The following GABRA2 variants were observed in gnomAD, a reference collection of about 807,000 sequenced individuals.
GABRA2 encodes the protein gamma-aminobutyric acid type A receptor subunit alpha2.
A neutral mutation model predicts 48.7 loss-of-function variants in GABRA2; 16 were observed. The ratio of observed to expected loss-of-function variants is 0.33; its 90% CI spans 0.22 to 0.50. The LOEUF (loss-of-function observed/expected upper bound fraction) is 0.50, where lower values mean the gene tolerates loss of function less well. GABRA2 is among the 20% of genes least tolerant of loss of function. The probability of loss-of-function intolerance (pLI) is 0.98; values close to 1 mark genes in which losing one functional copy is unlikely to be tolerated. For synonymous variants in GABRA2, 185 were observed against 184.5 expected (o/e 1.00, Z -0.02); for missense variants, 275 against 535.6 (o/e 0.51, Z 4.80).
At position 46,389,197 on chromosome 4, in the gene GABRA2, G is replaced by C. The variant is rs1415024904; in HGVS notation, c.-10-481C>G. 5.1e-6 allele frequency: 5 copies of C among 987,950 alleles called. No individual in the cohort carries two copies. In the East Asian group the frequency reaches 5.6e-4, roughly 111 times the overall value. 61.2% of individuals were successfully genotyped at this position (987,950 alleles called of 1,614,324 possible). ...CGCAACCACAGCGGGAAAAGCTAGG[G>C]GCAGGCAGCCCACTTTTGCAATTAC... On this transcript the variant is annotated intron_variant, in intron 1 of 9. Transcript: ENST00000381620.
At chr4:46,355,715 T>C (rs958266620) in intron 3 of GABRA2, among the ~76,000 whole-genome samples, 7 of 152,192 alleles carry the variant, frequency 4.6e-5, no homozygotes, top group African/African-American at 1.4e-4. Flanking sequence ...CACAACCTTA[T>C]CAGAGCTGGA....
intron 8 of GABRA2, among the ~76,000 whole-genome samples, chr4:46,279,151 T>C (rs1327590152): frequency 6.6e-6 from 1 of 152,084 alleles, no homozygotes; most frequent in African/African-American, 2.4e-5. Context: ...AATGAGTAAA[T>C]TTAATTTATT....
intron 3 of GABRA2, among the ~76,000 whole-genome samples, chr4:46,352,888 G>C (rs1735370923): frequency 6.6e-6 from 1 of 152,040 alleles, no homozygotes; most frequent in South Asian, 2.1e-4. Context: ...GTTTAACCCA[G>C]CTGTAAAGGA....
intron 3 of GABRA2, among the ~76,000 whole-genome samples, chr4:46,369,643 G>GTCTA (rs1714583337): frequency 6.6e-6 from 1 of 151,992 alleles, no homozygotes; most frequent in Non-Finnish European, 1.5e-5. Flanking sequence ...TTCATCATTT[G>GTCTA]TCTATCTATT....
chr4:46,299,448 C>G (rs1264285238), intron 8 of GABRA2, among the ~76,000 whole-genome samples: 1 of 151,750 alleles, frequency 6.6e-6, no homozygotes, highest in Non-Finnish European at 1.5e-5. Flanking sequence ...GCAATTTTAA[C>G]TCACTATAGT....
At chr4:46,388,614 T>C in intron 2 of GABRA2, 22 bp downstream of exon 2, 2 of 1,613,576 alleles carry the variant, frequency 1.2e-6, no homozygotes, top group Non-Finnish European at 1.7e-6. Flanking sequence ...ATTAAAATAG[T>C]CAAATACAAT....
intron 8 of GABRA2, among the ~76,000 whole-genome samples, chr4:46,278,959 T>G (rs183370478): frequency 1.3e-5 from 2 of 151,800 alleles, no homozygotes; most frequent in East Asian, 3.9e-4. Flanking sequence ...TAACATAAGA[T>G]GATAATTTAA....
At chr4:46,291,774 C>CATATATATAT (rs1415105864) in intron 8 of GABRA2, among the ~76,000 whole-genome samples, 1 of 107,872 alleles carries the variant, frequency 9.3e-6, no homozygotes, top group Admixed American at 1.0e-4. Context: ...AATAAACACA[C>CATATATATAT]ACATATATAT....
At chr4:46,334,878 T>C (rs1731944658) in intron 3 of GABRA2, among the ~76,000 whole-genome samples, 1 of 152,108 alleles carries the variant, frequency 6.6e-6, no homozygotes, top group African/African-American at 2.4e-5. Context: ...AAAAGGAAAA[T>C]CAGCAAGCCA....
chr4:46,388,803 T>C (rs1340141760), intron 1 of GABRA2, 87 bp from the exon 2 acceptor site: 2 of 1,585,294 alleles, frequency 1.3e-6, no homozygotes, highest in South Asian at 1.2e-5. Context: ...AATATCCTTT[T>C]AGTTAGGGAT....
chr4:46,341,845 T>A (rs548952733), intron 3 of GABRA2, among the ~76,000 whole-genome samples: 1 of 152,202 alleles, frequency 6.6e-6, no homozygotes, highest in Middle Eastern at 3.4e-3. Flanking sequence ...TGCCCAGCTT[T>A]TTGTTAATCC....
At chr4:46,349,609 A>G (rs1011828655) in intron 3 of GABRA2, among the ~76,000 whole-genome samples, 9 of 152,086 alleles carry the variant, frequency 5.9e-5, no homozygotes, top group African/African-American at 1.9e-4. Flanking sequence ...TTTCTTCTAC[A>G]ACATTCCAAA....
chr4:46,293,012 A>G (rs1221571762), intron 8 of GABRA2, among the ~76,000 whole-genome samples: 1 of 152,194 alleles, frequency 6.6e-6, no homozygotes, highest in Non-Finnish European at 1.5e-5. Flanking sequence ...CTCAAAGGCA[A>G]GGTGGGTGGA....
At chr4:46,270,435 G>A (rs1425413254) in intron 8 of GABRA2, among the ~76,000 whole-genome samples, 1 of 151,948 alleles carries the variant, frequency 6.6e-6, no homozygotes. Flanking sequence ...AACCTTCCAT[G>A]TACCTCTCTA....
intron 8 of GABRA2, among the ~76,000 whole-genome samples, chr4:46,271,716 G>A (rs781502372): frequency 6.6e-6 from 1 of 151,924 alleles, no homozygotes; most frequent in Non-Finnish European, 1.5e-5. Flanking sequence ...GGACAACACT[G>A]TTGAAGGAAT....
rs149997397 is a variant in GABRA2 at position 46,337,062 on chromosome 4, C to T, written c.188-4380G>A. On this transcript the variant is annotated intron_variant, in intron 3 of 9. Coordinates refer to ENST00000381620, the MANE Select transcript of GABRA2 (RefSeq NM_000807.4). ...TGATGTTCAATTATGATTTATTTTA[C>T]GATTCACTTAAAATAGATGGTTGAG... Among the ~76,000 whole-genome samples, 538 of 151,984 alleles carry T rather than the reference C, an allele frequency of 3.5e-3. 1 individual carries two copies. The highest frequency in any genetic ancestry group is 0.012 in the African/African-American group (485 of 41,482).
intron 6 of GABRA2, among the ~76,000 whole-genome samples, chr4:46,309,479 C>T (rs993465340): frequency 6.6e-6 from 1 of 151,930 alleles, no homozygotes; most frequent in Non-Finnish European, 1.5e-5. Flanking sequence ...CAGCTGTGTT[C>T]GTGGATTTAT....
chr4:46,274,460 G>T (rs1238793291), intron 8 of GABRA2, among the ~76,000 whole-genome samples: 6 of 151,982 alleles, frequency 3.9e-5, no homozygotes, highest in African/African-American at 9.7e-5. Flanking sequence ...TTTTAAAGTT[G>T]CATCATACAT....
At chr4:46,333,879 C>T (rs1418849387) in intron 3 of GABRA2, among the ~76,000 whole-genome samples, 1 of 151,982 alleles carries the variant, frequency 6.6e-6, no homozygotes, top group African/African-American at 2.4e-5. Flanking sequence ...TCTGAGTATT[C>T]AAACTAAATC....
Sources: allele counts gnomAD v4.1 joint callset (sites outside exome capture counted in the v4.1 genomes callset), GRCh38; gene constraint gnomAD v4.1.1; transcripts MANE v1.5; gene names NCBI Gene and HGNC (gene_info 2026-07-23, HGNC 2026-07-21).